ST18: variants seen among roughly 807,000 people sequenced by gnomAD.
The protein encoded by ST18 is suppression of tumorigenicity 18 protein.
A neutral mutation model predicts 110.0 loss-of-function variants in ST18; 50 were observed. The ratio of observed to expected loss-of-function variants is 0.45; its 90% CI spans 0.36 to 0.58. The LOEUF (loss-of-function observed/expected upper bound fraction) is 0.58, where lower values mean the gene tolerates loss of function less well. Ranked by LOEUF, ST18 falls within the 20% of genes least tolerant of loss-of-function variation. The pLI is 0.00. For missense variants in ST18, 1,306 were observed against 1,280.1 expected (o/e 1.02, Z -0.31); for synonymous variants, 461 against 452.4 (o/e 1.02, Z -0.24).
At chr8:52,187,088 T>A (rs531244653) in intron 8 of ST18, among the ~76,000 whole-genome samples, 1 of 152,330 alleles carries the variant, frequency 6.6e-6, no homozygotes, top group East Asian at 1.9e-4. Context: ...CCTGGTATAA[T>A]GTTCAGCCAA....
At chr8:52,148,255 A>C (rs1325251878) in intron 16 of ST18, among the ~76,000 whole-genome samples, 1 of 151,900 alleles carries the variant, frequency 6.6e-6, no homozygotes, top group Non-Finnish European at 1.5e-5. Flanking sequence ...GATTAAGGCC[A>C]TCCTTGGACG....
intron 19 of ST18, among the ~76,000 whole-genome samples, chr8:52,135,568 C>CAAAAA (rs71252929): frequency 6.1e-4 from 34 of 55,954 alleles, no homozygotes; most frequent in South Asian, 1.6e-3. Flanking sequence ...AACTCCATCT[C>CAAAAA]AAAAAAAAAA....
chr8:52,113,049 A>C lies in ST18; in HGVS notation c.*149T>G. 9 of 763,290 alleles carry C rather than the reference A, an allele frequency of 1.2e-5. No individual in the cohort carries two copies. The highest frequency in any genetic ancestry group is 1.7e-5 in the Non-Finnish European group (9 of 534,948). 47.3% of individuals were successfully genotyped at this position (763,290 alleles called of 1,614,324 possible). A position where few individuals can be genotyped will look rare whatever the true frequency, so the allele number is the denominator to read the frequency against. ...ATCATAGTTTTTCTTTCCTTTTTAT[A>C]TCAGCTGGGGAAAATAAAATTAGTG... On this transcript the variant is annotated 3_prime_UTR_variant, in exon 26 of 26. Coordinates refer to ENST00000689386, the MANE Select transcript of ST18 (RefSeq NM_001352837.2).
intron 7 of ST18, among the ~76,000 whole-genome samples, 177 bp from the exon 8 acceptor site, chr8:52,212,286 C>T (rs6473693): frequency 0.12 from 18,951 of 152,056 alleles, 2,773 homozygotes; most frequent in African/African-American, 0.35. Context: ...TGGCCCAGAA[C>T]AGACCGGCTG....
chr8:52,198,500 A>G (rs758759640), intron 8 of ST18, among the ~76,000 whole-genome samples: 1 of 152,192 alleles, frequency 6.6e-6, no homozygotes, highest in Non-Finnish European at 1.5e-5. Flanking sequence ...CCGTTTATCC[A>G]TCTCCACTTC....
chr8:52,143,337 T>G (rs1448087355), intron 16 of ST18, among the ~76,000 whole-genome samples: 1 of 152,046 alleles, frequency 6.6e-6, no homozygotes, highest in Admixed American at 6.5e-5. Flanking sequence ...ATACAAAAAT[T>G]TGCTGGACGC....
At chr8:52,212,178 C>G (rs1373487901) in intron 7 of ST18, 69 bp from the exon 8 acceptor site, 1 of 1,481,192 alleles carries the variant, frequency 6.8e-7, no homozygotes, top group African/African-American at 1.4e-5. Context: ...ATAATGGAAA[C>G]TTTTCCCCCA....
At chr8:52,293,742 T>A (rs2095591393) in intron 2 of ST18, among the ~76,000 whole-genome samples, 1 of 152,196 alleles carries the variant, frequency 6.6e-6, no homozygotes, top group South Asian at 2.1e-4. Context: ...ATGGGGATAA[T>A]GCTTTCCTCC....
chr8:52,241,321 T>C (rs2093377941), intron 2 of ST18, among the ~76,000 whole-genome samples: 1 of 152,252 alleles, frequency 6.6e-6, no homozygotes, highest in Non-Finnish European at 1.5e-5. Context: ...TTCCCTGATG[T>C]TTCCTCTAAA....
intron 2 of ST18, among the ~76,000 whole-genome samples, chr8:52,264,544 T>C (rs1373202847): frequency 6.6e-6 from 1 of 152,236 alleles, no homozygotes; most frequent in Non-Finnish European, 1.5e-5. Flanking sequence ...ATAAAGTTCC[T>C]GGTTTTAATC....
At chr8:52,330,293 C>A (rs866804689) in intron 2 of ST18, among the ~76,000 whole-genome samples, 8 of 152,278 alleles carry the variant, frequency 5.3e-5, no homozygotes, top group African/African-American at 1.9e-4. Context: ...TCAGGACAGG[C>A]CATCCCTTTC....
At chr8:52,316,007 A>T (rs1266669516) in intron 2 of ST18, among the ~76,000 whole-genome samples, 2 of 152,254 alleles carry the variant, frequency 1.3e-5, no homozygotes, top group East Asian at 3.8e-4. Flanking sequence ...ATTCATATAC[A>T]CATAAATGGA....
intron 25 of ST18, among the ~76,000 whole-genome samples, chr8:52,115,887 G>T (rs774891246): frequency 2.0e-5 from 3 of 151,814 alleles, no homozygotes; most frequent in Non-Finnish European, 4.4e-5. Flanking sequence ...GAACATTTTT[G>T]GTTACAGTTC....
chr8:52,144,995 A>G (rs1158547219), intron 16 of ST18, among the ~76,000 whole-genome samples: 1 of 151,440 alleles, frequency 6.6e-6, no homozygotes, highest in South Asian at 2.1e-4. Flanking sequence ...AGTAGATACA[A>G]TTGCTAAATC....
At chr8:52,329,263 C>A (rs1475856164) in intron 2 of ST18, among the ~76,000 whole-genome samples, 12 of 146,460 alleles carry the variant, frequency 8.2e-5, no homozygotes, top group African/African-American at 2.0e-4. Flanking sequence ...GTGTGTGTGT[C>A]TCCATCTGTG....
At chr8:52,154,081 C>G (rs964002869) in intron 15 of ST18, among the ~76,000 whole-genome samples, 53 of 152,178 alleles carry the variant, frequency 3.5e-4, no homozygotes, top group African/African-American at 1.2e-3. Flanking sequence ...GGCTAAAAAG[C>G]CAATTATTAA....
chr8:52,336,852 C>G (rs191687041), intron 2 of ST18, among the ~76,000 whole-genome samples: 4 of 152,314 alleles, frequency 2.6e-5, no homozygotes, highest in Non-Finnish European at 5.9e-5. Flanking sequence ...GCGTGGTGTA[C>G]GCAGGTGGGG....
chr8:52,159,629 T>G (rs2133083960), intron 14 of ST18, among the ~76,000 whole-genome samples: 1 of 152,364 alleles, frequency 6.6e-6, no homozygotes, highest in Non-Finnish European at 1.5e-5. Flanking sequence ...TGTTTTGTCC[T>G]TAAACCAGTA....
rs537321920 is a variant in ST18 at position 52,169,611 on chromosome 8, CTGTCAGT to C, written c.1069+2174_1069+2180del. Among the ~76,000 whole-genome samples, 1,131 of 152,262 alleles carry C rather than the reference CTGTCAGT, an allele frequency of 7.4e-3. 6 individuals are homozygous for C. The highest frequency in any genetic ancestry group is 0.02 in the Middle Eastern group (6 of 294). ...TAGGTTGGTATTTTGGAGAATATGG[CTGTCAGT>C]TGGGATAAGCATTGACTTAACAGCA... On this transcript the variant is annotated intron_variant, in intron 10 of 25. Transcript: ENST00000689386.
Sources: allele counts gnomAD v4.1 joint callset (sites outside exome capture counted in the v4.1 genomes callset), GRCh38; gene constraint gnomAD v4.1.1; transcripts MANE v1.5; gene names NCBI Gene and HGNC (gene_info 2026-07-23, HGNC 2026-07-21).